The following SIAH3 variants were observed in gnomAD, a reference collection of about 807,000 sequenced individuals.
SIAH3 encodes the protein siah E3 ubiquitin protein ligase family member 3.
A neutral mutation model predicts 12.6 loss-of-function variants in SIAH3; 9 were observed. The ratio of observed to expected loss-of-function variants is 0.72; its 90% CI spans 0.43 to 1.25. The LOEUF (loss-of-function observed/expected upper bound fraction) is 1.25, where lower values mean the gene tolerates loss of function less well. Among genes scored for constraint, SIAH3 ranks in the 50% most tolerant of loss-of-function variants. The pLI, the probability that SIAH3 is intolerant of heterozygous loss-of-function variation, is 0.00. For synonymous variants in SIAH3, 154 were observed against 151.1 expected, an observed-to-expected ratio of 1.02 and a Z score of -0.14; for missense variants, 390 against 365.4, an observed-to-expected ratio of 1.07 and a Z score of -0.55.
chr13:45,803,420 G>A (rs1290691808), intron 1 of SIAH3, among the ~76,000 whole-genome samples: 1 of 152,186 alleles, frequency 6.6e-6, no homozygotes, highest in Non-Finnish European at 1.5e-5. Context: ...CAAGGAATGT[G>A]TGATAAATGC....
At chr13:45,803,606 C>T (rs1950589639) in intron 1 of SIAH3, among the ~76,000 whole-genome samples, 1 of 152,034 alleles carries the variant, frequency 6.6e-6, no homozygotes, top group Admixed American at 6.6e-5. Context: ...TTCAGGTAGA[C>T]AAAAAGCAAT....
At chr13:45,833,941 C>T (rs1416711918) in intron 1 of SIAH3, among the ~76,000 whole-genome samples, 2 of 151,554 alleles carry the variant, frequency 1.3e-5, no homozygotes, top group African/African-American at 4.9e-5. Flanking sequence ...TTTGGCTGGT[C>T]TTCTCAGAAG....
chr13:45,837,634 A>C (rs1950723397), intron 1 of SIAH3, among the ~76,000 whole-genome samples: 8 of 151,920 alleles, frequency 5.3e-5, no homozygotes, highest in East Asian at 3.9e-4. Context: ...GGAAGAAGGA[A>C]TGCATGCAGG....
chr13:45,829,565 C>T (rs1045216137), intron 1 of SIAH3, among the ~76,000 whole-genome samples: 1 of 152,170 alleles, frequency 6.6e-6, no homozygotes, highest in Non-Finnish European at 1.5e-5. Flanking sequence ...GCCATGATCA[C>T]GCCCCTGCAC....
At chr13:45,851,317 C>T (rs770073422) in intron 1 of SIAH3, among the ~76,000 whole-genome samples, 178 bp downstream of exon 1, 28 of 152,142 alleles carry the variant, frequency 1.8e-4, no homozygotes, top group Non-Finnish European at 3.7e-4. Flanking sequence ...ACTAACAGCA[C>T]CCAATCACCT....
chr13:45,839,359 T>A (rs1224455622), intron 1 of SIAH3, among the ~76,000 whole-genome samples: 1 of 152,216 alleles, frequency 6.6e-6, no homozygotes, highest in Admixed American at 6.5e-5. Flanking sequence ...GACAATCATA[T>A]GGCCCAGATT....
chr13:45,806,277 C>CA (rs1391138171), intron 1 of SIAH3, among the ~76,000 whole-genome samples: 1 of 152,110 alleles, frequency 6.6e-6, no homozygotes, highest in Non-Finnish European at 1.5e-5. Flanking sequence ...ATATTTTCAT[C>CA]ACAGCACTCC....
Position 45,783,497 on chromosome 13 carries a change from C to G in SIAH3, c.696G>C (p.Gly232=). 6.2e-7 allele frequency: 1 copy of G among 1,614,090 alleles called. No homozygotes were observed. Among genetic ancestry groups the G allele is most frequent in the Non-Finnish European group, 8.5e-7 (1 of 1,180,024 alleles). Residue 232 remains glycine (G), a synonymous_variant, in exon 2 of 2, where the codon GGG becomes GGC. Transcript: ENST00000400405. ...LECVDSVITD[G]DCLVLNTSLA... Reference sequence around the variant, plus strand: ...GCGAGGTGTTGAGGACGAGGCAGTCCCCGTCCGTAATCACCGAGTCCACGC... The same window carrying G: ...GCGAGGTGTTGAGGACGAGGCAGTCGCCGTCCGTAATCACCGAGTCCACGC...
Position 45,784,024 on chromosome 13 carries a change from C to T in SIAH3, c.169G>A (p.Ala57Thr), listed in dbSNP as rs369507335. 32 of 1,601,616 alleles carry T rather than the reference C, an allele frequency of 2.0e-5. No individual in the cohort carries two copies. The highest frequency in any genetic ancestry group is 2.5e-5 in the Non-Finnish European group (29 of 1,174,180). Reference sequence around the variant, plus strand: ...GGGTGGAAGCTGCCTTGCTCTGGAGCGCTCTGAGTGACGGCGCGCCGACTG... The same window carrying T: ...GGGTGGAAGCTGCCTTGCTCTGGAGTGCTCTGAGTGACGGCGCGCCGACTG... ...VSSRRAVTQSAPEQGSFHPHH... is the reference protein window; with the variant it reads ...VSSRRAVTQSTPEQGSFHPHH... Residue 57 changes from alanine (A) to threonine (T), a missense_variant, in exon 2 of 2, where the codon GCT becomes ACT. Coordinates refer to ENST00000400405, the MANE Select transcript of SIAH3 (RefSeq NM_198849.3).
chr13:45,822,870 A>G (rs60702436), intron 1 of SIAH3, among the ~76,000 whole-genome samples: 17,926 of 151,846 alleles, frequency 0.12, 1,447 homozygotes, highest in East Asian at 0.4. Flanking sequence ...CCAGCCTGGA[A>G]AGTTATCTCT....
At chr13:45,830,982 C>T (rs1016342212) in intron 1 of SIAH3, among the ~76,000 whole-genome samples, 4 of 152,172 alleles carry the variant, frequency 2.6e-5, no homozygotes, top group East Asian at 1.9e-4. Context: ...AGCTCCAGAC[C>T]AGCCTGGCCA....
At position 45,781,863 on chromosome 13, in the gene SIAH3, T is replaced by G. The variant is rs991675113; in HGVS notation, c.*1520A>C. ...GAGACTAAGTAGTCACTTGGATGCCTGCCAGGACCAAGCCGAGGGGGTGAG... is the reference window on the plus strand; with the variant it reads ...GAGACTAAGTAGTCACTTGGATGCCGGCCAGGACCAAGCCGAGGGGGTGAG... On this transcript the variant is annotated 3_prime_UTR_variant, in exon 2 of 2. Coordinates refer to ENST00000400405, the MANE Select transcript of SIAH3 (RefSeq NM_198849.3). The G allele has an allele frequency of 6.6e-6, 1 of 152,128 alleles. No individual in the cohort carries two copies. The highest frequency in any genetic ancestry group is 1.5e-5 in the Non-Finnish European group (1 of 68,042). 9.4% of individuals were successfully genotyped at this position (152,128 alleles called of 1,614,324 possible). A position where few individuals can be genotyped will look rare whatever the true frequency, so the allele number is the denominator to read the frequency against.
intron 1 of SIAH3, among the ~76,000 whole-genome samples, chr13:45,807,255 T>C (rs1207026107): frequency 6.6e-6 from 1 of 150,716 alleles, no homozygotes; most frequent in Non-Finnish European, 1.5e-5. Flanking sequence ...TTAACAAGAT[T>C]GTAATAAATA....
At chr13:45,817,685 G>A (rs1950639412) in intron 1 of SIAH3, among the ~76,000 whole-genome samples, 1 of 152,178 alleles carries the variant, frequency 6.6e-6, no homozygotes, top group Non-Finnish European at 1.5e-5. Context: ...GCAACCACAA[G>A]GCAAGGGATG....
At chr13:45,849,753 T>G (rs7995342) in intron 1 of SIAH3, among the ~76,000 whole-genome samples, 6,060 of 152,262 alleles carry the variant, frequency 0.04, 430 homozygotes, top group African/African-American at 0.14. Context: ...TTAACACCTC[T>G]CTATTCTCCA....
chr13:45,829,389 G>T (rs1250318366), intron 1 of SIAH3, among the ~76,000 whole-genome samples: 1 of 152,106 alleles, frequency 6.6e-6, no homozygotes, highest in Non-Finnish European at 1.5e-5. Flanking sequence ...GATTGCTTGA[G>T]CCCAGAAGTT....
chr13:45,804,997 CACACACACACACAA>C (rs1234246758), intron 1 of SIAH3, among the ~76,000 whole-genome samples: 10 of 150,710 alleles, frequency 6.6e-5, no homozygotes, highest in East Asian at 1.9e-4. Flanking sequence ...CACACACACA[CACACACACACACAA>C]AATACTTTGG....
intron 1 of SIAH3, among the ~76,000 whole-genome samples, chr13:45,806,591 A>G (rs1950599282): frequency 6.6e-6 from 1 of 152,152 alleles, no homozygotes; most frequent in African/African-American, 2.4e-5. Flanking sequence ...AAGGAAGACA[A>G]TGGTTGAAAA....
chr13:45,844,675 T>C (rs1950752554), intron 1 of SIAH3, among the ~76,000 whole-genome samples: 1 of 152,200 alleles, frequency 6.6e-6, no homozygotes, highest in African/African-American at 2.4e-5. Flanking sequence ...GTTCTAGCTC[T>C]CTGGAGAACC....
Sources: allele counts gnomAD v4.1 joint callset (sites outside exome capture counted in the v4.1 genomes callset), GRCh38; gene constraint gnomAD v4.1.1; transcripts MANE v1.5; gene names NCBI Gene and HGNC (gene_info 2026-07-23, HGNC 2026-07-21).